ATP5PB: variants seen among roughly 807,000 people sequenced by gnomAD.
ATP5PB encodes the protein ATP synthase peripheral stalk subunit b, mitochondrial.
In ATP5PB, 21 loss-of-function variants were observed where a neutral mutation model predicts 34.5. The observed-to-expected ratio is 0.61, with a 90% CI of 0.43 to 0.88. The LOEUF (loss-of-function observed/expected upper bound fraction) is 0.88, where lower values mean the gene tolerates loss of function less well. Among genes scored for constraint, ATP5PB ranks in the 40% least tolerant of loss-of-function variants. The pLI is 0.00. For synonymous variants in ATP5PB, 108 were observed against 114.1 expected, an observed-to-expected ratio of 0.95 and a Z score of 0.34; for missense variants, 293 against 317.4, an observed-to-expected ratio of 0.92 and a Z score of 0.58.
chr1:111,449,729 G>A, intron 1 of ATP5PB, 108 bp from the exon 2 acceptor site: 2 of 1,579,332 alleles, frequency 1.3e-6, no homozygotes, highest in Non-Finnish European at 8.7e-7. Context: ...GGTCTTGAGG[G>A]ACGGGAAAGA....
chr1:111,449,804 G>C (rs781494077), intron 1 of ATP5PB, 33 bp from the exon 2 acceptor site: 1 of 1,614,098 alleles, frequency 6.2e-7, no homozygotes, highest in South Asian at 1.1e-5. Context: ...GATTTCATTT[G>C]ACTTTGCTGA....
Position 111,459,481 on chromosome 1 carries a change from G to C in ATP5PB, c.538G>C (p.Val180Leu). 2 of 1,608,616 alleles carry C rather than the reference G, an allele frequency of 1.2e-6. No individual in the cohort carries two copies. Among genetic ancestry groups the C allele is most frequent in the Non-Finnish European group, 1.7e-6 (2 of 1,176,920 alleles). The change falls in exon 6 of 7, where the codon GTT (valine) becomes CTT (leucine). Residue 180 changes from valine (V) to leucine (L), a missense_variant. Transcript: ENST00000369722. ...GAATAACATTGCTATGGCTTTGGAAGTTACTTACCGGGAACGACTGTATAG... is the reference window on the plus strand; with the variant it reads ...GAATAACATTGCTATGGCTTTGGAACTTACTTACCGGGAACGACTGTATAG... ...QRNNIAMALE[V>L]TYRERLYRVY...
At chr1:111,460,510 AAAG>A (rs1238833961) in intron 6 of ATP5PB, among the ~76,000 whole-genome samples, 1 of 151,944 alleles carries the variant, frequency 6.6e-6, no homozygotes, top group Non-Finnish European at 1.5e-5. Context: ...AGAAAATACA[AAAG>A]AAGTCTAGAA....
At position 111,449,809 on chromosome 1, in the gene ATP5PB, T is replaced by C. The variant is rs371945565; in HGVS notation, c.41-28T>C. The C allele has an allele frequency of 2.5e-5, 40 of 1,614,060 alleles. No individual in the cohort carries two copies. In the South Asian group the frequency reaches 3.2e-4, roughly 13 times the overall value. On this transcript the variant is annotated intron_variant, in intron 1 of 6. Coordinates refer to ENST00000369722, the MANE Select transcript of ATP5PB (RefSeq NM_001688.5). ...GGGCAAACCAGATTTCATTTGACTT[T>C]GCTGACCTTCGCCTTGTCTATCTGC...
At chr1:111,459,982 T>A (rs1374780897) in intron 6 of ATP5PB, among the ~76,000 whole-genome samples, 1 of 152,036 alleles carries the variant, frequency 6.6e-6, no homozygotes, top group African/African-American at 2.4e-5. Context: ...CTGGGCAACA[T>A]AGCGAGATCC....
In ATP5PB at chr1:111,462,735, C is replaced by T. The variant is rs1323633236; in HGVS notation, c.*1741C>T. On this transcript the variant is annotated 3_prime_UTR_variant, in exon 7 of 7. Transcript: ENST00000369722. ...CTTAAAGATAATTTGATTGGATCAGCAGTTATTTCAAATTGATTAAACAAA... is the reference window on the plus strand; with the variant it reads ...CTTAAAGATAATTTGATTGGATCAGTAGTTATTTCAAATTGATTAAACAAA... 1 of 152,182 alleles carries T rather than the reference C, an allele frequency of 6.6e-6. No homozygotes were observed. The highest frequency in any genetic ancestry group is 1.5e-5 in the Non-Finnish European group (1 of 68,034). 9.4% of individuals were successfully genotyped at this position (152,182 alleles called of 1,614,324 possible).
chr1:111,461,202 T>A lies in ATP5PB; in HGVS notation c.*208T>A. On this transcript the variant is annotated 3_prime_UTR_variant, in exon 7 of 7. Transcript: ENST00000369722. ...TCCTTCTTGCTCTGCCTTTGAGTTG[T>A]TCCGTGATCACTTCTGAATAAGCAG... The A allele has an allele frequency of 2.1e-6, 1 of 478,038 alleles. No homozygotes were observed. The highest frequency in any genetic ancestry group is 2.6e-5 in the South Asian group (1 of 38,480). 29.6% of individuals were successfully genotyped at this position (478,038 alleles called of 1,614,324 possible).
chr1:111,460,929 A>G lies in ATP5PB; in HGVS notation c.706A>G (p.Ile236Val), dbSNP rs1361124920. The change falls in exon 7 of 7, where the codon ATT becomes GTT. Residue 236 changes from isoleucine (I) to valine (V), a missense_variant. Coordinates refer to ENST00000369722, the MANE Select transcript of ATP5PB (RefSeq NM_001688.5). ...TTCCTTATCACAGGAAAAGGAGACA[A>G]TTGCCAAGTGCATTGCGGACCTAAA... ...SISTQQEKET[I>V]AKCIADLKLL... 1.2e-6 allele frequency: 2 copies of G among 1,613,514 alleles called. No homozygotes were observed. The highest frequency in any genetic ancestry group is 1.3e-5 in the African/African-American group (1 of 74,902).
chr1:111,454,781 G>C (rs1277261302), intron 3 of ATP5PB, among the ~76,000 whole-genome samples: 4 of 152,168 alleles, frequency 2.6e-5, no homozygotes, highest in Non-Finnish European at 5.9e-5. Flanking sequence ...TGTAACAATT[G>C]ATTTGATTGC....
intron 2 of ATP5PB, 62 bp downstream of exon 2, chr1:111,449,935 C>T (rs777270269): frequency 2.3e-5 from 37 of 1,600,558 alleles, no homozygotes; most frequent in Admixed American, 1.0e-4. Context: ...TTCCCGATTC[C>T]TGCCCCCACC....
intron 2 of ATP5PB, among the ~76,000 whole-genome samples, chr1:111,450,541 G>C (rs1653293645): frequency 6.6e-6 from 1 of 152,186 alleles, no homozygotes; most frequent in African/African-American, 2.4e-5. Context: ...ATAGTGCATT[G>C]TGGCTTTTGA....
At chr1:111,451,961 T>A (rs1299517952) in intron 2 of ATP5PB, among the ~76,000 whole-genome samples, 1 of 152,004 alleles carries the variant, frequency 6.6e-6, no homozygotes, top group African/African-American at 2.4e-5. Context: ...TTTTTAAAAA[T>A]TTTTTAAATT....
At chr1:111,453,679 A>G (rs1312269762) in intron 2 of ATP5PB, among the ~76,000 whole-genome samples, 1 of 152,228 alleles carries the variant, frequency 6.6e-6, no homozygotes, top group African/African-American at 2.4e-5. Context: ...ACAACATATC[A>G]GGCATATAAT....
intron 5 of ATP5PB, among the ~76,000 whole-genome samples, chr1:111,457,025 CT>C (rs1186375034): frequency 6.7e-6 from 1 of 149,454 alleles, no homozygotes; most frequent in East Asian, 2.0e-4. Context: ...TAAGTTAAAG[CT>C]GATTTAAAAA....
At chr1:111,450,647 A>G (rs1653297462) in intron 2 of ATP5PB, among the ~76,000 whole-genome samples, 1 of 152,232 alleles carries the variant, frequency 6.6e-6, no homozygotes, top group African/African-American at 2.4e-5. Flanking sequence ...AAATTGTTCC[A>G]TAAGACATGT....
rs748517197 is a variant in ATP5PB, at chr1:111,456,709, A to G, written c.467A>G (p.Gln156Arg). Residue 156 changes from glutamine (Q) to arginine (R), a missense_variant, in exon 5 of 7, where the codon CAA (glutamine) becomes CGA (arginine). By Grantham distance (43) the Gln-to-Arg change is conservative. Coordinates refer to ENST00000369722, the MANE Select transcript of ATP5PB (RefSeq NM_001688.5). The stretch of plus-strand genomic sequence containing the variant: ...AATGCAATTGATACGGAGAAGTCAC[A>G]ACAGGCACTGGTTCAGAAGCGCCAT... ...IQNAIDTEKS[Q>R]QALVQKRHYL... The G allele has an allele frequency of 2.5e-6, 4 of 1,613,586 alleles. No homozygotes were observed. The highest frequency in any genetic ancestry group is 3.4e-6 in the Non-Finnish European group (4 of 1,179,836).
At chr1:111,459,331 C>T (rs1228958634) in intron 5 of ATP5PB, 126 bp from the exon 6 acceptor site, 3 of 858,548 alleles carry the variant, frequency 3.5e-6, no homozygotes, top group Non-Finnish European at 5.2e-6. Flanking sequence ...TACATATTAC[C>T]TATTAAATAA....
chr1:111,456,181 G>C lies in ATP5PB; in HGVS notation c.319G>C (p.Gly107Arg). 6.2e-7 allele frequency: 1 copy of C among 1,612,036 alleles called. No individual in the cohort carries two copies. Among genetic ancestry groups the C allele is most frequent in the Non-Finnish European group, 8.5e-7 (1 of 1,179,110 alleles). Reference sequence around the variant, plus strand: ...GACCTTCACTGCCCTATCAGTACTAGGTGTAATGGTCTATGGAATTAAAAA... The same window carrying C: ...GACCTTCACTGCCCTATCAGTACTACGTGTAATGGTCTATGGAATTAAAAA... Reference protein sequence around the residue: ...AETFTALSVLGVMVYGIKKYG... With the variant: ...AETFTALSVLRVMVYGIKKYG... Residue 107 changes from glycine (G) to arginine (R), a missense_variant, in exon 4 of 7, where the codon GGT (glycine) becomes CGT (arginine). Gly to Arg is a moderately radical substitution (Grantham distance 125). Coordinates refer to ENST00000369722, the MANE Select transcript of ATP5PB (RefSeq NM_001688.5).
chr1:111,458,491 A>G (rs1653530998), intron 5 of ATP5PB, among the ~76,000 whole-genome samples: 1 of 152,216 alleles, frequency 6.6e-6, no homozygotes, highest in African/African-American at 2.4e-5. Context: ...ACAGTTGCAA[A>G]TGCCCTAAAC....
Sources: allele counts gnomAD v4.1 joint callset (sites outside exome capture counted in the v4.1 genomes callset), GRCh38; gene constraint gnomAD v4.1.1; transcripts MANE v1.5; gene names NCBI Gene and HGNC (gene_info 2026-07-23, HGNC 2026-07-21).